Variants in MUC15 observed in about 807,000 individuals in gnomAD.
MUC15 encodes the protein mucin 15, cell surface associated.
A neutral mutation model predicts 24.0 loss-of-function variants in MUC15; 23 were observed. That is an observed-to-expected ratio of 0.96 (90% CI 0.69 to 1.36). MUC15 has a LOEUF of 1.36. Among genes scored for constraint, MUC15 ranks in the 40% most tolerant of loss-of-function variants. The pLI is 0.00. For missense variants in MUC15, 442 were observed against 428.2 expected (o/e 1.03, Z -0.29); for synonymous variants, 151 against 156.3 (o/e 0.97, Z 0.25).
intron 4 of MUC15, among the ~76,000 whole-genome samples, 167 bp from the exon 5 acceptor site, chr11:26,561,392 G>A (rs368678966): frequency 4.6e-5 from 7 of 151,894 alleles, no homozygotes; most frequent in East Asian, 3.9e-4. Context: ...TGTTTTTCAA[G>A]CTTCATTTTT....
rs1850248773 is a variant in MUC15 at position 26,560,569 on chromosome 11, A to G, written c.*496T>C. 1 of 153,092 alleles carries G rather than the reference A, an allele frequency of 6.5e-6. No individual in the cohort carries two copies. The highest frequency in any genetic ancestry group is 2.1e-4 in the South Asian group (1 of 4,858). 9.5% of individuals were successfully genotyped at this position (153,092 alleles called of 1,614,324 possible). ...ATTTCTATTGCCTCAATTTCCCAAT[A>G]ACAGAAACTCTGGGCTATGTCCTCT... On this transcript the variant is annotated 3_prime_UTR_variant, in exon 5 of 5. Coordinates refer to ENST00000529533, the MANE Select transcript of MUC15 (RefSeq NM_001135091.2).
In MUC15 at chr11:26,565,668, G is replaced by T. The variant is rs139033427; in HGVS notation, c.272C>A (p.Thr91Asn). ...GGAATGACTCGCCTTGAGATTTGAG[G>T]TGGTTATATTTTCTTTATCTGAGTT... The part of the protein sequence containing the change: ...NLNSDKENIT[T>N]SNLKASHSPP... Residue 91 changes from threonine (T) to asparagine (N), a missense_variant, in exon 3 of 5, where the codon ACC becomes AAC. Transcript: ENST00000529533. 1 of 1,606,730 alleles carries T rather than the reference G, an allele frequency of 6.2e-7. No individual in the cohort carries two copies. The highest frequency in any genetic ancestry group is 1.7e-5 in the Admixed American group (1 of 59,416).
At chr11:26,563,534 T>C (rs1850388892) in intron 3 of MUC15, among the ~76,000 whole-genome samples, 2 of 151,844 alleles carry the variant, frequency 1.3e-5, no homozygotes, top group South Asian at 2.1e-4. Context: ...CTTAGCTCTA[T>C]AGCCGTGTCT....
intron 4 of MUC15, among the ~76,000 whole-genome samples, chr11:26,562,031 G>A (rs911377190): frequency 3.3e-5 from 5 of 151,824 alleles, no homozygotes; most frequent in Non-Finnish European, 5.9e-5. Flanking sequence ...GTCTTTGATG[G>A]ATAAAACAGT....
intron 3 of MUC15, among the ~76,000 whole-genome samples, chr11:26,564,760 T>TCTG (rs1850490306): frequency 1.1e-5 from 1 of 87,814 alleles, no homozygotes; most frequent in Non-Finnish European, 2.3e-5. Context: ...TATATATATA[T>TCTG]ATATATATAT....
At chr11:26,561,283 A>C in intron 4 of MUC15, 58 bp from the exon 5 acceptor site, 1 of 1,302,562 alleles carries the variant, frequency 7.7e-7, no homozygotes, top group Admixed American at 2.6e-5. Flanking sequence ...ATTCATGTTC[A>C]GGCATCCACC....
rs754565029 is a variant in MUC15, at chr11:26,565,757, G to A, written c.183C>T (p.Asn61=). The change falls in exon 3 of 5, where the codon AAC becomes AAT. Residue 61 remains asparagine (N), a synonymous_variant. Coordinates refer to ENST00000529533, the MANE Select transcript of MUC15 (RefSeq NM_001135091.2). The part of the protein sequence containing the change: ...KENQDINTTQ[N]IAEVFKTMEN... The stretch of plus-strand genomic sequence containing the variant: ...CCATTGTTTTAAAAACTTCTGCAAT[G>A]TTCTGTGTTGTGTTTATGTCTTGAT... The A allele has an allele frequency of 6.2e-7, 1 of 1,606,364 alleles. No individual in the cohort carries two copies. Among genetic ancestry groups the A allele is most frequent in the Non-Finnish European group, 8.5e-7 (1 of 1,174,534 alleles).
chr11:26,561,997 CT>C (rs1204957975), intron 4 of MUC15, among the ~76,000 whole-genome samples: 4 of 151,786 alleles, frequency 2.6e-5, no homozygotes, highest in African/African-American at 9.7e-5. Flanking sequence ...AACCTTAGGT[CT>C]TTGGGAGAGG....
At chr11:26,566,022 T>C in intron 2 of MUC15, 126 bp from the exon 3 acceptor site, 2 of 1,040,032 alleles carry the variant, frequency 1.9e-6, no homozygotes, top group Admixed American at 6.9e-5. Context: ...ATATTTTTAT[T>C]CCAAAATTGC....
At chr11:26,564,779 A>C (rs563237530) in intron 3 of MUC15, among the ~76,000 whole-genome samples, 1 of 102,872 alleles carries the variant, frequency 9.7e-6, no homozygotes, top group Non-Finnish European at 2.0e-5. Context: ...ATATATATAT[A>C]TATATAAGTT....
intron 1 of MUC15, among the ~76,000 whole-genome samples, chr11:26,569,238 C>T (rs1850721857): frequency 2.0e-5 from 3 of 152,088 alleles, no homozygotes; most frequent in Admixed American, 2.0e-4. Flanking sequence ...GTATCAACAC[C>T]CCCAAACGTG....
At position 26,565,252 on chromosome 11, in the gene MUC15, G is replaced by T. The variant is rs1392491423; in HGVS notation, c.688C>A (p.Pro230Thr). 6.3e-7 allele frequency: 1 copy of T among 1,584,040 alleles called. No homozygotes were observed. Among genetic ancestry groups the T allele is most frequent in the Non-Finnish European group, 8.6e-7 (1 of 1,164,426 alleles). ...TGTAGAGTTGTTTTTTCTTGATAAG[G>T]GGTAAACCCAGTGAAGCTATCACTG... The part of the protein sequence containing the change: ...TNSDSFTGFT[P>T]YQEKTTLQPT... Residue 230 changes from proline to threonine, a missense_variant, in exon 3 of 5, where the codon CCT (proline) becomes ACT (threonine). Physicochemically the swap from Pro to Thr is conservative, Grantham distance 38 (BLOSUM62 -1). Transcript: ENST00000529533.
Position 26,572,121 on chromosome 11 carries a change from A to G in MUC15, c.-126T>C, listed in dbSNP as rs909041400. 4 of 985,278 alleles carry G rather than the reference A, an allele frequency of 4.1e-6. No homozygotes were observed. The African/African-American group carries it at 7.0e-5, about 17-fold the overall frequency. The allele number at this position is 985,278 out of a possible 1,614,324, so 61.0% of individuals were successfully genotyped here. A position where few individuals can be genotyped will look rare whatever the true frequency, so the allele number is the denominator to read the frequency against. Reference sequence around the variant, plus strand: ...CTGAAAGGAATCTGTCGTGCATTAGAGAAAACAGATGGGTTAAGTGTGACA... The same window carrying G: ...CTGAAAGGAATCTGTCGTGCATTAGGGAAAACAGATGGGTTAAGTGTGACA... On this transcript the variant is annotated 5_prime_UTR_variant, in exon 1 of 5. Coordinates refer to ENST00000529533, the MANE Select transcript of MUC15 (RefSeq NM_001135091.2).
At chr11:26,567,210 C>T in intron 1 of MUC15, 71 bp from the exon 2 acceptor site, 1 of 992,052 alleles carries the variant, frequency 1.0e-6, no homozygotes, top group South Asian at 4.5e-5. Flanking sequence ...CTAAAATTTG[C>T]AGTGCTTTTA....
intron 1 of MUC15, among the ~76,000 whole-genome samples, chr11:26,571,257 T>G (rs970250824): frequency 6.6e-6 from 1 of 152,162 alleles, no homozygotes; most frequent in Non-Finnish European, 1.5e-5. Flanking sequence ...TGTATCATAC[T>G]GTAATGTCTA....
At chr11:26,568,078 T>C (rs926778198) in intron 1 of MUC15, among the ~76,000 whole-genome samples, 4 of 152,010 alleles carry the variant, frequency 2.6e-5, no homozygotes, top group African/African-American at 9.7e-5. Flanking sequence ...GTGTTTGTAT[T>C]TGTGATCATT....
chr11:26,565,238 T>A lies in MUC15; in HGVS notation c.702A>T (p.Lys234Asn). 1.3e-6 allele frequency: 2 copies of A among 1,531,584 alleles called. No homozygotes were observed. The highest frequency in any genetic ancestry group is 8.8e-7 in the Non-Finnish European group (1 of 1,140,276). The allele number at this position is 1,531,584 out of a possible 1,614,324, so 94.9% of individuals were successfully genotyped here. Residue 234 changes from lysine (K) to asparagine (N), a missense_variant, in exon 3 of 5, where the codon AAA becomes AAT. Lys to Asn is a moderately conservative substitution (Grantham distance 94, BLOSUM62 0). Transcript: ENST00000529533. ...SFTGFTPYQE[K>N]TTLQPTLKFT... ...ATTTTAAGGTAGGCTGTAGAGTTGTTTTTTCTTGATAAGGGGTAAACCCAG... is the reference window on the plus strand; with the variant it reads ...ATTTTAAGGTAGGCTGTAGAGTTGTATTTTCTTGATAAGGGGTAAACCCAG...
rs528504400 is a variant in MUC15, at chr11:26,572,151, C to T, written c.-156G>A. On this transcript the variant is annotated 5_prime_UTR_variant, in exon 1 of 5. Coordinates refer to ENST00000529533, the MANE Select transcript of MUC15 (RefSeq NM_001135091.2). ...ACAGATGGGTTAAGTGTGACAATGTCGCACTGAGCAGGAGGGTGCCAGGGA... is the reference window on the plus strand; with the variant it reads ...ACAGATGGGTTAAGTGTGACAATGTTGCACTGAGCAGGAGGGTGCCAGGGA... The T allele has an allele frequency of 3.0e-6, 3 of 985,194 alleles. No individual in the cohort carries two copies. Among genetic ancestry groups the T allele is most frequent in the Admixed American group, 6.2e-5 (1 of 16,232 alleles). The allele number at this position is 985,194 out of a possible 1,614,324, so 61.0% of individuals were successfully genotyped here. A position where few individuals can be genotyped will look rare whatever the true frequency, so the allele number is the denominator to read the frequency against.
At chr11:26,564,754 T>C (rs1221082876) in intron 3 of MUC15, among the ~76,000 whole-genome samples, 7 of 84,568 alleles carry the variant, frequency 8.3e-5, no homozygotes, top group African/African-American at 1.5e-4. Context: ...TATATATATA[T>C]ATATATATAT....
Sources: allele counts gnomAD v4.1 joint callset (sites outside exome capture counted in the v4.1 genomes callset), GRCh38; gene constraint gnomAD v4.1.1; transcripts MANE v1.5; gene names NCBI Gene and HGNC (gene_info 2026-07-23, HGNC 2026-07-21).